Variants in ZSCAN5A observed in about 807,000 individuals in gnomAD.
ZSCAN5A encodes the protein zinc finger and SCAN domain containing 5A.
ZSCAN5A carries 12 observed loss-of-function variants against 23.7 expected under a neutral mutation model. The ratio of observed to expected loss-of-function variants is 0.51; its 90% confidence interval spans 0.32 to 0.82. ZSCAN5A has a LOEUF of 0.82. ZSCAN5A is among the 40% of genes least tolerant of loss of function. The pLI is 0.03. For synonymous variants in ZSCAN5A, 257 were observed against 239.9 expected, an observed-to-expected ratio of 1.07 and a Z score of -0.66; for missense variants, 597 against 617.9, an observed-to-expected ratio of 0.97 and a Z score of 0.36.
intron 2 of ZSCAN5A, among the ~76,000 whole-genome samples, chr19:56,265,692 T>A (rs2037424799): frequency 6.6e-6 from 1 of 151,812 alleles, no homozygotes; most frequent in Admixed American, 6.6e-5. Context: ...GAGTGAAGCC[T>A]GGGAAACCAA....
Position 56,352,351 on chromosome 19 carries a change from CAGAG to C in ZSCAN5A, c.-358+10880_-358+10883del, listed in dbSNP as rs1439899323. ...TGTGATTACTGGGGCACTGTAGAGA[CAGAG>C]AGAGACATGAGATCCCACAGAAGCT... is the stretch of plus-strand genomic sequence containing the variant. On this transcript the variant is annotated intron_variant, in intron 2 of 6. Coordinates refer to the ZSCAN5A transcript ENST00000587340. This position sits in a 1 kb window ranked among gnomAD's most constrained non-coding sequence, Gnocchi z 4.2. Among the ~76,000 whole-genome samples, 2 of 152,126 alleles carry C rather than the reference CAGAG, an allele frequency of 1.3e-5. No individual in the cohort carries two copies. The highest frequency in any genetic ancestry group is 3.2e-3 in the Middle Eastern group (1 of 316).
At chr19:56,322,313 T>G in intron 2 of ZSCAN5A, 1 of 931,920 alleles carries the variant, frequency 1.1e-6, no homozygotes, top group South Asian at 1.3e-5. Context: ...AAAGGCCATT[T>G]CTTAGCCTGA....
At chr19:56,265,145 A>T (rs1389907925) in intron 2 of ZSCAN5A, among the ~76,000 whole-genome samples, 1 of 151,724 alleles carries the variant, frequency 6.6e-6, no homozygotes, top group African/African-American at 2.4e-5. Flanking sequence ...TAAATTAAAT[A>T]AATGCTTATC....
intron 2 of ZSCAN5A, among the ~76,000 whole-genome samples, chr19:56,324,830 C>T (rs1490352076): frequency 1.3e-5 from 2 of 152,176 alleles, no homozygotes; most frequent in Non-Finnish European, 2.9e-5. Context: ...GGCATTCACC[C>T]AGCACTGTTT....
intron 2 of ZSCAN5A, chr19:56,338,288 TGTTTATG>T (rs2041560168): frequency 6.6e-6 from 1 of 152,218 alleles, no homozygotes; most frequent in South Asian, 2.1e-4. Flanking sequence ...ATAGTCCTTC[TGTTTATG>T]GTTTCTCAGC....
intron 2 of ZSCAN5A, among the ~76,000 whole-genome samples, chr19:56,337,279 A>G (rs1451082645): frequency 6.6e-6 from 1 of 152,222 alleles, no homozygotes; most frequent in South Asian, 2.1e-4. Flanking sequence ...AGCCCCGGCA[A>G]TGGCAGGCGC....
rs780465273 is a variant in ZSCAN5A at position 56,223,807 on chromosome 19, A to G, written c.412T>C (p.Tyr138His). The change falls in exon 4 of 6, where the codon TAT (tyrosine) becomes CAT (histidine). Residue 138 changes from tyrosine (Y) to histidine (H), a missense_variant. Tyr to His is a moderately conservative substitution (Grantham distance 83, BLOSUM62 2). Around this residue, in one of 5 missense-constraint regions of ZSCAN5A, gnomAD observed 406 missense variants for 353.2 expected, o/e 1.15. Coordinates refer to ENST00000683990, the MANE Select transcript of ZSCAN5A (RefSeq NM_001322064.3). ...TCGATATCTGAGTCCTGCACAATAT[A>G]TTCCTTTCCGTGGAAGGTGACCACA... is the stretch of plus-strand genomic sequence containing the variant. ...WSVVTFHGKE[Y>H]IVQDSDIEMA... 3.7e-6 allele frequency: 6 copies of G among 1,613,238 alleles called. No homozygotes were observed. Among genetic ancestry groups the G allele is most frequent in the Non-Finnish European group, 5.1e-6 (6 of 1,179,978 alleles).
At chr19:56,355,230 A>G (rs1478017462) in intron 2 of ZSCAN5A, among the ~76,000 whole-genome samples, 1 of 148,600 alleles carries the variant, frequency 6.7e-6, no homozygotes, top group African/African-American at 2.5e-5. Flanking sequence ...GTAAGTGTGA[A>G]CTTTTTCTCA....
upstream of ZSCAN5A, chr19:56,316,143 A>T (rs182921208): frequency 1.2e-4 from 19 of 152,316 alleles, no homozygotes; most frequent in African/African-American, 3.8e-4. Context: ...TCCGTCAATC[A>T]TGGTTCTTTA....
intron 5 of ZSCAN5A, 125 bp from the exon 6 acceptor site, chr19:56,222,451 G>A: frequency 6.4e-7 from 1 of 1,550,902 alleles, no homozygotes; most frequent in Non-Finnish European, 8.7e-7. Flanking sequence ...ACATTGGACT[G>A]TAGGTCTCTG....
chr19:56,302,670 T>G (rs1600237352), intron 2 of ZSCAN5A, among the ~76,000 whole-genome samples: 1 of 114,594 alleles, frequency 8.7e-6, no homozygotes. Flanking sequence ...TGTTCTTTCC[T>G]TCCTCCTTCC....
At chr19:56,223,880 A>G in intron 3 of ZSCAN5A, 46 bp from the exon 4 acceptor site, 1 of 1,530,184 alleles carries the variant, frequency 6.5e-7, no homozygotes, top group South Asian at 1.1e-5. Context: ...AGAACCTGAA[A>G]GTAGCTCTCA....
intron 2 of ZSCAN5A, among the ~76,000 whole-genome samples, chr19:56,309,898 C>A (rs2040928516): frequency 6.6e-6 from 1 of 152,084 alleles, no homozygotes; most frequent in Non-Finnish European, 1.5e-5. Context: ...TCCATAAGAT[C>A]TGAGGGAAGC....
chr19:56,331,817 C>G (rs2041492387), intron 2 of ZSCAN5A, among the ~76,000 whole-genome samples: 1 of 151,880 alleles, frequency 6.6e-6, no homozygotes, highest in African/African-American at 2.4e-5. Context: ...AACTCCTGAC[C>G]TCAGGTGGTC....
intron 2 of ZSCAN5A, among the ~76,000 whole-genome samples, chr19:56,290,396 A>C (rs2039432502): frequency 6.6e-6 from 1 of 152,218 alleles, no homozygotes; most frequent in South Asian, 2.1e-4. Flanking sequence ...TGCAAAGCCT[A>C]CACTATTTAC....
chr19:56,232,682 T>C (rs1197831575), intron 2 of ZSCAN5A, among the ~76,000 whole-genome samples: 1 of 152,008 alleles, frequency 6.6e-6, no homozygotes. Flanking sequence ...TTTTTCTTTT[T>C]CTTTTTCTTT....
At chr19:56,366,176 G>A (rs1449794112) in intron 1 of ZSCAN5A, among the ~76,000 whole-genome samples, 1 of 152,158 alleles carries the variant, frequency 6.6e-6, no homozygotes, top group Admixed American at 6.5e-5. Flanking sequence ...TAGTCCCTGG[G>A]CTCAGGATAA....
intron 2 of ZSCAN5A, among the ~76,000 whole-genome samples, chr19:56,327,061 AT>A (rs74177182): frequency 0.2 from 29,144 of 147,294 alleles, 3,671 homozygotes; most frequent in African/African-American, 0.36. Context: ...AGCTACAGTG[AT>A]TTTTTTTTTT....
In ZSCAN5A at chr19:56,365,589, A is replaced by C. The variant is rs1331874221; in HGVS notation, c.-521-2191T>G. ...TGGAAGTCCTCACTCCATCCTAACA[A>C]CAAATAAAAAGCTGAACAAACTGAA... On this transcript the variant is annotated intron_variant, in intron 1 of 6. Coordinates refer to the ZSCAN5A transcript ENST00000587340. 2.6e-5 allele frequency: 4 copies of C among 152,218 alleles called. No homozygotes were observed. In the East Asian group the frequency reaches 7.7e-4, roughly 29 times the overall value. 9.4% of individuals were successfully genotyped at this position (152,218 alleles called of 1,614,324 possible).
Sources: allele counts gnomAD v4.1 joint callset (sites outside exome capture counted in the v4.1 genomes callset), GRCh38; gene constraint gnomAD v4.1.1; regional missense constraint gnomAD v4.1.1; non-coding constraint Gnocchi (gnomAD v3.1); transcripts MANE v1.5; gene names NCBI Gene and HGNC (gene_info 2026-07-23, HGNC 2026-07-21).